PLB1: variants seen among roughly 807,000 people sequenced by gnomAD.
PLB1 encodes phospholipase B1, membrane-associated.
Under a neutral mutation model 227.4 loss-of-function variants are expected in PLB1, and 242 were observed. The ratio of observed to expected loss-of-function variants is 1.06; its 90% CI spans 0.96 to 1.18. The LOEUF (loss-of-function observed/expected upper bound fraction) is 1.18, where lower values mean the gene tolerates loss of function less well. Ranked by LOEUF, PLB1 falls within the 50% of genes most tolerant of loss-of-function variation. The probability of loss-of-function intolerance (pLI) is 0.00; values close to 1 mark genes in which losing one functional copy is unlikely to be tolerated. For synonymous variants in PLB1, 757 were observed against 682.2 expected (o/e 1.11, Z -1.71); for missense variants, 1,858 against 1,816.3 (o/e 1.02, Z -0.42).
At chr2:28,603,702 A>T (rs1684242156) in intron 39 of PLB1, among the ~76,000 whole-genome samples, 1 of 152,240 alleles carries the variant, frequency 6.6e-6, no homozygotes, top group African/African-American at 2.4e-5. Flanking sequence ...TTGCAGGCCC[A>T]GCACCTGCAG....
At chr2:28,558,145 T>G (rs921994433) in intron 17 of PLB1, among the ~76,000 whole-genome samples, 3 of 103,118 alleles carry the variant, frequency 2.9e-5, no homozygotes, top group Non-Finnish European at 4.3e-5. Flanking sequence ...CATAGGGGGG[T>G]GTGTGTGTCT....
intron 56 of PLB1, among the ~76,000 whole-genome samples, chr2:28,639,046 T>C (rs1484434449): frequency 4.2e-5 from 6 of 143,716 alleles, no homozygotes; most frequent in African/African-American, 1.6e-4. Context: ...CCAGCCTGGG[T>C]GACAGGGCAA....
intron 23 of PLB1, among the ~76,000 whole-genome samples, chr2:28,580,833 G>A (rs1315617393): frequency 6.6e-6 from 1 of 152,180 alleles, no homozygotes; most frequent in African/African-American, 2.4e-5. Context: ...AGGTTTGTCA[G>A]ACAGAAAGGG....
intron 46 of PLB1, among the ~76,000 whole-genome samples, chr2:28,618,902 A>C (rs575947237): frequency 1.2e-4 from 18 of 152,214 alleles, no homozygotes; most frequent in Admixed American, 1.0e-3. Context: ...GTACACCAAC[A>C]CTCTATTAGC....
intron 17 of PLB1, among the ~76,000 whole-genome samples, chr2:28,557,040 C>T (rs1675251869): frequency 2.0e-5 from 3 of 151,908 alleles, no homozygotes; most frequent in African/African-American, 7.3e-5. Context: ...CTGTGGTCAC[C>T]ACCTACTCAG....
At chr2:28,507,870 A>G (rs1475093285) in intron 1 of PLB1, among the ~76,000 whole-genome samples, 1 of 152,126 alleles carries the variant, frequency 6.6e-6, no homozygotes, top group Admixed American at 6.5e-5. Context: ...AGGACAGAGT[A>G]TTTAATTATG....
At chr2:28,552,052 A>C (rs1411752837) in intron 16 of PLB1, among the ~76,000 whole-genome samples, 1 of 152,244 alleles carries the variant, frequency 6.6e-6, no homozygotes, top group Non-Finnish European at 1.5e-5. Context: ...TGTCCCAAGG[A>C]ACTCAGTCTG....
At chr2:28,571,929 T>C (rs757742380) in intron 20 of PLB1, among the ~76,000 whole-genome samples, 2 of 151,826 alleles carry the variant, frequency 1.3e-5, no homozygotes, top group Non-Finnish European at 2.9e-5. Context: ...GAAAAAAAAA[T>C]CGATATTTTG....
At chr2:28,563,930 A>C (rs1360606434) in intron 18 of PLB1, among the ~76,000 whole-genome samples, 2 of 152,170 alleles carry the variant, frequency 1.3e-5, no homozygotes, top group Admixed American at 6.5e-5. Context: ...CCTGTGAGGC[A>C]TGACTTTCTT....
rs762814726 is a variant in PLB1, at chr2:28,604,061, G to A, written c.2856+14G>A. ...CGAGCCTACCGGGTAAGACCAAGAAGGGCACCATGCTGTGTCCTCTCCCCT... is the reference window on the plus strand; with the variant it reads ...CGAGCCTACCGGGTAAGACCAAGAAAGGCACCATGCTGTGTCCTCTCCCCT... On this transcript the variant is annotated intron_variant, in intron 40 of 57. Transcript: ENST00000327757. 2 of 1,606,208 alleles carry A rather than the reference G, an allele frequency of 1.2e-6. No individual in the cohort carries two copies. The highest frequency in any genetic ancestry group is 8.5e-7 in the Non-Finnish European group (1 of 1,172,712).
At chr2:28,611,165 C>T (rs978404286) in intron 43 of PLB1, among the ~76,000 whole-genome samples, 2 of 152,218 alleles carry the variant, frequency 1.3e-5, no homozygotes, top group South Asian at 4.1e-4. Context: ...TGCCACAACC[C>T]TGGGCTGTAA....
intron 20 of PLB1, 124 bp from the exon 21 acceptor site, chr2:28,573,073 T>C (rs1009954267): frequency 5.8e-6 from 4 of 695,204 alleles, no homozygotes; most frequent in South Asian, 3.4e-5. Flanking sequence ...TGAGTGAAGG[T>C]TGGGGTAAGA....
At chr2:28,538,408 C>T in intron 10 of PLB1, 27 bp downstream of exon 10, 1 of 1,604,898 alleles carries the variant, frequency 6.2e-7, no homozygotes, top group African/African-American at 1.3e-5. Context: ...AGGGCTTCCC[C>T]AAGGGCAGTG....
At chr2:28,545,891 G>C (rs772334020) in intron 14 of PLB1, among the ~76,000 whole-genome samples, 33 of 152,108 alleles carry the variant, frequency 2.2e-4, no homozygotes, top group Admixed American at 5.9e-4. Flanking sequence ...GGGAGTCCAG[G>C]TCCATTACTC....
intron 44 of PLB1, among the ~76,000 whole-genome samples, chr2:28,616,764 A>G (rs1686259765): frequency 6.6e-6 from 1 of 152,248 alleles, no homozygotes; most frequent in African/African-American, 2.4e-5. Context: ...TGAATTGAGC[A>G]ATCCCTTGGG....
intron 38 of PLB1, among the ~76,000 whole-genome samples, chr2:28,602,192 C>T (rs900134613): frequency 6.6e-6 from 1 of 152,228 alleles, no homozygotes; most frequent in Admixed American, 6.5e-5. Flanking sequence ...TCCCTCACCA[C>T]TACATGGGAC....
intron 47 of PLB1, 74 bp downstream of exon 47, chr2:28,620,406 C>A: frequency 1.4e-6 from 2 of 1,440,010 alleles, no homozygotes; most frequent in Non-Finnish European, 1.9e-6. Context: ...TTTCCTGTCA[C>A]CCCTCCAGGG....
intron 44 of PLB1, among the ~76,000 whole-genome samples, chr2:28,615,975 A>G (rs1686146387): frequency 6.6e-6 from 1 of 152,270 alleles, no homozygotes; most frequent in Non-Finnish European, 1.5e-5. Flanking sequence ...AGTCAGGCAC[A>G]GAAAGACAAA....
chr2:28,594,274 G>A (rs72850433), intron 33 of PLB1: 3,328 of 270,288 alleles, frequency 0.012, 107 homozygotes, highest in African/African-American at 0.066. Flanking sequence ...TTAGCAATTC[G>A]ACAAGAGGAA....
Sources: allele counts gnomAD v4.1 joint callset (sites outside exome capture counted in the v4.1 genomes callset), GRCh38; gene constraint gnomAD v4.1.1; transcripts MANE v1.5; gene names NCBI Gene and HGNC (gene_info 2026-07-23, HGNC 2026-07-21).